The following UBE2E2 variants were observed in gnomAD, a reference collection of about 807,000 sequenced individuals.
UBE2E2 encodes the protein ubiquitin conjugating enzyme E2 E2.
A neutral mutation model predicts 24.7 loss-of-function variants in UBE2E2; 6 were observed. The observed-to-expected ratio is 0.24, with a 90% CI of 0.13 to 0.48. The LOEUF is 0.48. UBE2E2 is among the 20% of genes least tolerant of loss of function. The pLI is 0.99. For synonymous variants in UBE2E2, 104 were observed against 83.6 expected (o/e 1.24, Z -1.33); for missense variants, 169 against 245.0 (o/e 0.69, Z 2.07).
At chr3:23,347,662 C>T (rs998544969) in intron 3 of UBE2E2, among the ~76,000 whole-genome samples, 2 of 152,220 alleles carry the variant, frequency 1.3e-5, no homozygotes, top group Admixed American at 1.3e-4. Context: ...TGTAACAAAC[C>T]TGCACATTGT....
intron 5 of UBE2E2, among the ~76,000 whole-genome samples, chr3:23,557,164 G>A (rs912651264): frequency 1.3e-5 from 2 of 152,164 alleles, no homozygotes; most frequent in Non-Finnish European, 2.9e-5. Context: ...CGGTGTTTGT[G>A]TTGGTGGTGG....
chr3:23,217,425 G>C (rs1696507422), intron 3 of UBE2E2, 113 bp downstream of exon 3: 1 of 983,652 alleles, frequency 1.0e-6, no homozygotes, highest in African/African-American at 1.6e-5. Context: ...AAACATCATT[G>C]TTGTTTGAAC....
intron 5 of UBE2E2, among the ~76,000 whole-genome samples, chr3:23,566,965 A>C (rs188117024): frequency 5.9e-5 from 9 of 152,238 alleles, no homozygotes; most frequent in African/African-American, 1.7e-4. Flanking sequence ...TGGCAGTATC[A>C]GTAGTGACTG....
chr3:23,372,078 AC>A (rs1489702363), intron 3 of UBE2E2, among the ~76,000 whole-genome samples: 8 of 152,322 alleles, frequency 5.3e-5, no homozygotes, highest in Middle Eastern at 3.4e-3. Context: ...AGATCACGCC[AC>A]TGCACTCCAG....
chr3:23,467,390 GA>G (rs1265432096), intron 3 of UBE2E2, among the ~76,000 whole-genome samples: 1 of 152,196 alleles, frequency 6.6e-6, no homozygotes, highest in Admixed American at 6.5e-5. Flanking sequence ...ACTGCTGCTA[GA>G]AACAATGTGA....
chr3:23,586,874 A>G (rs1696638773), intron 5 of UBE2E2, among the ~76,000 whole-genome samples: 1 of 150,228 alleles, frequency 6.7e-6, no homozygotes, highest in Non-Finnish European at 1.5e-5. Flanking sequence ...GTTATTTTTT[A>G]AAAGATTACA....
intron 3 of UBE2E2, among the ~76,000 whole-genome samples, chr3:23,352,554 C>A (rs1559358154): frequency 1.3e-5 from 2 of 152,178 alleles, no homozygotes; most frequent in Admixed American, 6.5e-5. Context: ...AAGGGGATAT[C>A]ACCACCAATC....
chr3:23,382,513 A>G (rs1035953678), intron 3 of UBE2E2, among the ~76,000 whole-genome samples: 1 of 152,208 alleles, frequency 6.6e-6, no homozygotes, highest in African/African-American at 2.4e-5. Flanking sequence ...TGGTTTTACT[A>G]TATGAGCGTA....
intron 3 of UBE2E2, among the ~76,000 whole-genome samples, chr3:23,453,010 T>C (rs1227188002): frequency 1.3e-5 from 2 of 152,170 alleles, no homozygotes; most frequent in African/African-American, 4.8e-5. Context: ...AGACTCTATG[T>C]CCCATTTTTA....
Position 23,245,480 on chromosome 3 carries a change from T to C in UBE2E2, c.227+28168T>C, listed in dbSNP as rs1697371409. Among the ~76,000 whole-genome samples, 3 of 152,182 alleles carry C rather than the reference T, an allele frequency of 2.0e-5. No homozygotes were observed. In the South Asian group the frequency reaches 6.2e-4, roughly 31 times the overall value. On this transcript the variant is annotated intron_variant, in intron 3 of 5. Coordinates refer to ENST00000396703, the MANE Select transcript of UBE2E2 (RefSeq NM_152653.4). ...TTTCTATTAAATCATTATAAATGAATGGAAACCCTTAAAGGATATAATTCT... is the reference window on the plus strand; with the variant it reads ...TTTCTATTAAATCATTATAAATGAACGGAAACCCTTAAAGGATATAATTCT...
rs1696184100 is a variant in UBE2E2, at chr3:23,569,935, T to G, written c.509-19799T>G. Among the ~76,000 whole-genome samples the G allele has an allele frequency of 2.0e-5, 3 of 152,162 alleles. No homozygotes were observed. In the South Asian group the frequency reaches 6.2e-4, roughly 32 times the overall value. ...GGCGTTAATTTTGAATGGTTTTAAT[T>G]TTATCCAGTTACTGCCTTAGGCTAT... On this transcript the variant is annotated intron_variant, in intron 5 of 5. Transcript: ENST00000396703.
At chr3:23,454,979 G>T (rs1698645236) in intron 3 of UBE2E2, among the ~76,000 whole-genome samples, 1 of 152,130 alleles carries the variant, frequency 6.6e-6, no homozygotes, top group Non-Finnish European at 1.5e-5. Flanking sequence ...AGCCAAGTGT[G>T]GGGACTTGAT....
intron 3 of UBE2E2, among the ~76,000 whole-genome samples, chr3:23,475,743 G>A (rs552429090): frequency 3.3e-4 from 50 of 152,086 alleles, no homozygotes; most frequent in African/African-American, 1.1e-3. Context: ...TGCCCAGACC[G>A]GGGCTTTTAT....
chr3:23,305,607 T>G (rs1475914013), intron 3 of UBE2E2, among the ~76,000 whole-genome samples: 1 of 152,198 alleles, frequency 6.6e-6, no homozygotes, highest in African/African-American at 2.4e-5. Context: ...CCTGAAAAGG[T>G]CTCTGGGATG....
chr3:23,326,830 C>G (rs575912429), intron 3 of UBE2E2, among the ~76,000 whole-genome samples: 1 of 152,202 alleles, frequency 6.6e-6, no homozygotes, highest in Non-Finnish European at 1.5e-5. Flanking sequence ...CCACTCCCCC[C>G]ACCCCACCAC....
intron 3 of UBE2E2, among the ~76,000 whole-genome samples, chr3:23,455,120 G>C (rs998198020): frequency 4.6e-5 from 7 of 152,100 alleles, no homozygotes; most frequent in Admixed American, 2.0e-4. Flanking sequence ...CTTTCCAAAG[G>C]CTTCCCTGCA....
At position 23,333,504 on chromosome 3, in the gene UBE2E2, C is replaced by T. The variant is rs554163156; in HGVS notation, c.227+116192C>T. On this transcript the variant is annotated intron_variant, in intron 3 of 5. Transcript: ENST00000396703. ...AACTCCCCCTAAACCTTTTGTACTC[C>T]TAGGAGACAGATTTTCTGCCACAAA... 1.5e-3 allele frequency among the ~76,000 whole-genome samples: 231 copies of T among 152,136 alleles called. 2 individuals are homozygous for T. The Middle Eastern group carries it at 0.037, about 25-fold the overall frequency.
Position 23,306,006 on chromosome 3 carries a change from A to G in UBE2E2, c.227+88694A>G, listed in dbSNP as rs1423514747. On this transcript the variant is annotated intron_variant, in intron 3 of 5. Coordinates refer to ENST00000396703, the MANE Select transcript of UBE2E2 (RefSeq NM_152653.4). The stretch of plus-strand genomic sequence containing the variant: ...ATTCTCAATTTTATTATTTTGTTCA[A>G]GGGCTGACATGACCATATTAACAAT... 4.6e-5 allele frequency among the ~76,000 whole-genome samples: 7 copies of G among 152,302 alleles called. 1 individual carries two copies. The highest frequency in any genetic ancestry group is 3.3e-4 in the Admixed American group (5 of 15,300).
At chr3:23,548,996 G>A (rs552780425) in intron 5 of UBE2E2, among the ~76,000 whole-genome samples, 2 of 152,144 alleles carry the variant, frequency 1.3e-5, no homozygotes, top group African/African-American at 2.4e-5. Flanking sequence ...TGAACACTGT[G>A]AGTAATGTTG....
Sources: allele counts gnomAD v4.1 joint callset (sites outside exome capture counted in the v4.1 genomes callset), GRCh38; gene constraint gnomAD v4.1.1; transcripts MANE v1.5; gene names NCBI Gene and HGNC (gene_info 2026-07-23, HGNC 2026-07-21).